IMMP2L: variants seen among roughly 807,000 people sequenced by gnomAD.
IMMP2L encodes inner mitochondrial membrane peptidase subunit 2.
In IMMP2L, 18 loss-of-function variants were observed where a neutral mutation model predicts 19.3. The observed-to-expected ratio is 0.93, with a 90% CI of 0.64 to 1.38. IMMP2L has a LOEUF of 1.38. Among genes scored for constraint, IMMP2L ranks in the 40% most tolerant of loss-of-function variants. The probability of loss-of-function intolerance (pLI) is 0.00; values close to 1 mark genes in which losing one functional copy is unlikely to be tolerated. For synonymous variants in IMMP2L, 76 were observed against 73.0 expected (o/e 1.04, Z -0.21); for missense variants, 233 against 218.2 (o/e 1.07, Z -0.43).
intron 4 of IMMP2L, among the ~76,000 whole-genome samples, chr7:110,939,576 C>A (rs1816509597): frequency 6.6e-6 from 1 of 152,096 alleles, no homozygotes; most frequent in Non-Finnish European, 1.5e-5. Flanking sequence ...ATGAAGCTCC[C>A]CTTCCTGAAC....
intron 4 of IMMP2L, among the ~76,000 whole-genome samples, chr7:110,915,652 G>A (rs78576167): frequency 1.2e-3 from 179 of 152,274 alleles, no homozygotes; most frequent in African/African-American, 4.2e-3. Context: ...AGTAGCTATA[G>A]ATAGTGACAT....
intron 3 of IMMP2L, among the ~76,000 whole-genome samples, chr7:111,094,157 G>T (rs995807263): frequency 1.3e-5 from 2 of 151,990 alleles, no homozygotes; most frequent in African/African-American, 4.8e-5. Context: ...GAATTTTTTT[G>T]GGGTGTAACA....
chr7:110,953,597 T>A (rs1818056013), intron 4 of IMMP2L, among the ~76,000 whole-genome samples: 1 of 152,128 alleles, frequency 6.6e-6, no homozygotes, highest in African/African-American at 2.4e-5. Flanking sequence ...GTTCCAAGTC[T>A]TTGCTATTGT....
In IMMP2L at chr7:110,967,259, G is replaced by GT. The variant is rs1439346859; in HGVS notation, c.240-3695dup. Among the ~76,000 whole-genome samples the GT allele has an allele frequency of 2.6e-5, 4 of 152,002 alleles. No homozygotes were observed. In the East Asian group the frequency reaches 5.9e-4, roughly 22 times the overall value. On this transcript the variant is annotated intron_variant, in intron 3 of 5. Coordinates refer to ENST00000405709, the MANE Select transcript of IMMP2L (RefSeq NM_032549.4). Reference sequence around the variant, plus strand: ...TTCCAGTCTCTGTCACTAATTTCATGTTTTTTTATGTTCCCAAAAAGTTAT... The same window carrying GT: ...TTCCAGTCTCTGTCACTAATTTCATGTTTTTTTTATGTTCCCAAAAAGTTAT...
Position 110,760,400 on chromosome 7 carries a change from G to A in IMMP2L, c.409-96679C>T, listed in dbSNP as rs1286736163. Among the ~76,000 whole-genome samples, 1 of 152,062 alleles carries A rather than the reference G, an allele frequency of 6.6e-6. No homozygotes were observed. On this transcript the variant is annotated intron_variant, in intron 5 of 5. Coordinates refer to ENST00000405709, the MANE Select transcript of IMMP2L (RefSeq NM_032549.4). This position sits in a 1 kb window ranked among gnomAD's most constrained non-coding sequence, Gnocchi z 4.2. ...TGAAAATGTTTTAAAACTGTGAAGG[G>A]CTCTGAAGCTGATGTTTTCCATTAT...
At chr7:110,850,329 T>A (rs945461885) in intron 5 of IMMP2L, among the ~76,000 whole-genome samples, 3 of 152,078 alleles carry the variant, frequency 2.0e-5, no homozygotes, top group Admixed American at 6.6e-5. Context: ...ACAGATGCAA[T>A]GACAATGACC....
intron 3 of IMMP2L, among the ~76,000 whole-genome samples, chr7:111,453,008 T>A (rs1195332519): frequency 1.3e-5 from 2 of 152,130 alleles, no homozygotes; most frequent in Non-Finnish European, 2.9e-5. Flanking sequence ...ACTGAATAAA[T>A]AAACTATTAC....
At chr7:110,884,131 C>G (rs976321939) in intron 5 of IMMP2L, among the ~76,000 whole-genome samples, 1 of 151,932 alleles carries the variant, frequency 6.6e-6, no homozygotes, top group African/African-American at 2.4e-5. Context: ...ACAAAATTTA[C>G]TTTTTATGTG....
At position 111,314,280 on chromosome 7, in the gene IMMP2L, T is replaced by A. The variant is rs142637448; in HGVS notation, c.239+172958A>T. The stretch of plus-strand genomic sequence containing the variant: ...AATATTTCAGATCAGAAAAACAGCA[T>A]GTATGGAGGCATACAGACCTGACAA... On this transcript the variant is annotated intron_variant, in intron 3 of 5. Transcript: ENST00000405709. Among the ~76,000 whole-genome samples, 48 of 152,176 alleles carry A rather than the reference T, an allele frequency of 3.2e-4. 1 individual carries two copies. The East Asian group carries it at 8.5e-3, about 27-fold the overall frequency.
intron 1 of IMMP2L, among the ~76,000 whole-genome samples, chr7:111,538,607 T>C (rs944790871): frequency 5.0e-5 from 7 of 138,924 alleles, no homozygotes; most frequent in African/African-American, 1.9e-4. Flanking sequence ...GAAACCAACC[T>C]GAGCAGCATA....
At chr7:111,119,356 C>T (rs1800298970) in intron 3 of IMMP2L, among the ~76,000 whole-genome samples, 1 of 152,158 alleles carries the variant, frequency 6.6e-6, no homozygotes, top group Admixed American at 6.6e-5. Flanking sequence ...TGTTTCCCCT[C>T]CAGACTGAAA....
chr7:110,669,211 G>T (rs527838935), intron 5 of IMMP2L, among the ~76,000 whole-genome samples: 1 of 152,138 alleles, frequency 6.6e-6, no homozygotes, highest in African/African-American at 2.4e-5. Flanking sequence ...TCAGCCGACT[G>T]GAGACCCAGG....
chr7:111,471,716 A>G (rs752911302), intron 3 of IMMP2L, among the ~76,000 whole-genome samples: 13 of 152,108 alleles, frequency 8.5e-5, no homozygotes, highest in Non-Finnish European at 1.9e-4. Context: ...GGCTCACGTT[A>G]TATTTCTTTT....
At position 111,448,127 on chromosome 7, in the gene IMMP2L, C is replaced by T. The variant is rs1464568666; in HGVS notation, c.239+39111G>A. The stretch of plus-strand genomic sequence containing the variant: ...AATAATGGGAGACTTTAACACCCCA[C>T]TGTCAACATTAGACAGATGAACGAG... On this transcript the variant is annotated intron_variant, in intron 3 of 5. Coordinates refer to ENST00000405709, the MANE Select transcript of IMMP2L (RefSeq NM_032549.4). Among the ~76,000 whole-genome samples the T allele has an allele frequency of 1.4e-5, 2 of 138,626 alleles. 1 individual carries two copies. Among genetic ancestry groups the T allele is most frequent in the Non-Finnish European group, 3.0e-5 (2 of 66,228 alleles). The allele number at this position is 138,626 out of a possible 152,430, so 90.9% of individuals were successfully genotyped here.
chr7:111,117,209 C>A (rs1756163741), intron 3 of IMMP2L, among the ~76,000 whole-genome samples: 1 of 151,998 alleles, frequency 6.6e-6, no homozygotes. Context: ...AGGTTAAAAT[C>A]AGATAAGTGA....
At chr7:110,903,655 G>A (rs894459422) in intron 4 of IMMP2L, among the ~76,000 whole-genome samples, 1 of 152,096 alleles carries the variant, frequency 6.6e-6, no homozygotes. Flanking sequence ...CCATTCACCT[G>A]CTGATTGACA....
chr7:110,669,760 C>A (rs545791770), intron 5 of IMMP2L, among the ~76,000 whole-genome samples: 140 of 152,240 alleles, frequency 9.2e-4, no homozygotes, highest in Admixed American at 2.4e-3. Flanking sequence ...AATGCATGAA[C>A]TCTGGTTCTA....
At chr7:111,397,161 A>G (rs1024221645) in intron 3 of IMMP2L, among the ~76,000 whole-genome samples, 1 of 152,106 alleles carries the variant, frequency 6.6e-6, no homozygotes, top group African/African-American at 2.4e-5. Context: ...CAATATTTAC[A>G]TTCTCTGTAG....
At position 111,497,310 on chromosome 7, in the gene IMMP2L, G is replaced by A. The variant is rs773000543; in HGVS notation, c.136-9969C>T. 9.2e-5 allele frequency among the ~76,000 whole-genome samples: 14 copies of A among 152,138 alleles called. 1 individual carries two copies. The highest frequency in any genetic ancestry group is 1.9e-4 in the Non-Finnish European group (13 of 68,002). ...TTCCTAAGAAACTAATTGGACATAT[G>A]TGCAAAGGAACATATACAAAGATAT... is the stretch of plus-strand genomic sequence containing the variant. On this transcript the variant is annotated intron_variant, in intron 2 of 5. Coordinates refer to ENST00000405709, the MANE Select transcript of IMMP2L (RefSeq NM_032549.4).
Sources: allele counts gnomAD v4.1 joint callset (sites outside exome capture counted in the v4.1 genomes callset), GRCh38; gene constraint gnomAD v4.1.1; non-coding constraint Gnocchi (gnomAD v3.1); transcripts MANE v1.5; gene names NCBI Gene and HGNC (gene_info 2026-07-23, HGNC 2026-07-21).